The following UBE2E3 variants were observed in gnomAD, a reference collection of about 807,000 sequenced individuals.
UBE2E3 encodes ubiquitin-conjugating enzyme E2 E3.
Under a neutral mutation model 23.6 loss-of-function variants are expected in UBE2E3, and 5 were observed. The observed-to-expected ratio is 0.21, with a 90% CI of 0.11 to 0.44. UBE2E3 has a LOEUF of 0.44. UBE2E3 is among the 20% of genes least tolerant of loss of function. The pLI is 0.99. For synonymous variants in UBE2E3, 78 were observed against 87.5 expected (o/e 0.89, Z 0.60); for missense variants, 81 against 249.8 (o/e 0.32, Z 4.55).
At chr2:181,035,606 C>T (rs750579971) in intron 3 of UBE2E3, among the ~76,000 whole-genome samples, 24 of 152,116 alleles carry the variant, frequency 1.6e-4, no homozygotes, top group African/African-American at 4.3e-4. Flanking sequence ...ACCCATGACC[C>T]GTGGGTCACA....
At chr2:181,038,536 A>G (rs1686372715) in intron 3 of UBE2E3, among the ~76,000 whole-genome samples, 1 of 152,256 alleles carries the variant, frequency 6.6e-6, no homozygotes, top group African/African-American at 2.4e-5. Flanking sequence ...ATAATGTAAG[A>G]GCAAAATTTT....
intron 3 of UBE2E3, among the ~76,000 whole-genome samples, chr2:181,033,964 A>G (rs1449954785): frequency 2.6e-5 from 4 of 152,200 alleles, no homozygotes; most frequent in Non-Finnish European, 4.4e-5. Flanking sequence ...ATGCAAATCA[A>G]AACCACAATG....
At chr2:181,060,528 A>G in intron 4 of UBE2E3, 137 bp from the exon 5 acceptor site, 2 of 970,104 alleles carry the variant, frequency 2.1e-6, no homozygotes, top group Non-Finnish European at 2.8e-6. Context: ...TAATTTTGTT[A>G]TTAAACCTAA....
intron 3 of UBE2E3, among the ~76,000 whole-genome samples, chr2:181,000,063 G>A (rs978144980): frequency 2.0e-5 from 3 of 152,180 alleles, no homozygotes; most frequent in Admixed American, 1.3e-4. Flanking sequence ...TGATTGTTTT[G>A]TGTTTCCAGC....
chr2:181,002,465 G>A (rs573289528), intron 3 of UBE2E3, among the ~76,000 whole-genome samples: 3 of 152,174 alleles, frequency 2.0e-5, no homozygotes, highest in Admixed American at 6.5e-5. Context: ...GATTACGAAC[G>A]AAGAAAACCC....
chr2:181,018,686 C>G (rs1371478239), intron 3 of UBE2E3, among the ~76,000 whole-genome samples: 1 of 150,286 alleles, frequency 6.7e-6, no homozygotes, highest in African/African-American at 2.5e-5. Context: ...GTTTCTTCCT[C>G]ACACTTTCCC....
intron 3 of UBE2E3, among the ~76,000 whole-genome samples, chr2:181,010,463 G>A (rs1002845744): frequency 1.3e-5 from 2 of 152,154 alleles, no homozygotes; most frequent in Non-Finnish European, 1.5e-5. Context: ...CTGAAGAGTA[G>A]TGGTTGATAT....
At chr2:180,996,154 G>C (rs1162133343) in intron 3 of UBE2E3, among the ~76,000 whole-genome samples, 1 of 152,114 alleles carries the variant, frequency 6.6e-6, no homozygotes, top group Non-Finnish European at 1.5e-5. Context: ...GGAAACCTTA[G>C]AGGGTAAAAG....
chr2:181,024,981 TTTGAC>T (rs1194746778), intron 3 of UBE2E3, among the ~76,000 whole-genome samples: 3 of 152,018 alleles, frequency 2.0e-5, no homozygotes, highest in African/African-American at 7.2e-5. Flanking sequence ...TATGATCTGT[TTTGAC>T]AGGACAGACA....
chr2:181,057,952 T>G, intron 4 of UBE2E3, 127 bp downstream of exon 4: 1 of 985,944 alleles, frequency 1.0e-6, no homozygotes, highest in Non-Finnish European at 1.4e-6. Context: ...GATATGGAAA[T>G]TTTCGCATAA....
Position 181,063,208 on chromosome 2 carries a change from A to G in UBE2E3, c.*320A>G, listed in dbSNP as rs988660850. 2 of 163,950 alleles carry G rather than the reference A, an allele frequency of 1.2e-5. No homozygotes were observed. The allele number at this position is 163,950 out of a possible 1,614,324, so 10.2% of individuals were successfully genotyped here. Reference sequence around the variant, plus strand: ...ATAGTGCATTTTAGCCTAATTCATTATCTGTATGAAGTTATAAAAGTAGCT... The same window carrying G: ...ATAGTGCATTTTAGCCTAATTCATTGTCTGTATGAAGTTATAAAAGTAGCT... On this transcript the variant is annotated 3_prime_UTR_variant, in exon 6 of 6. Transcript: ENST00000410062. This position sits in a 1 kb window ranked among gnomAD's most constrained non-coding sequence, Gnocchi z 4.1.
intron 5 of UBE2E3, among the ~76,000 whole-genome samples, chr2:181,062,223 A>G (rs1558941087): frequency 6.6e-6 from 1 of 151,658 alleles, no homozygotes; most frequent in South Asian, 2.1e-4. Context: ...ATTGTACCAT[A>G]TGTACATATT....
At chr2:181,060,854 A>T in intron 5 of UBE2E3, 42 bp downstream of exon 5, 1 of 1,384,764 alleles carries the variant, frequency 7.2e-7, no homozygotes, top group Non-Finnish European at 9.5e-7. Context: ...GACTACAAAA[A>T]CGAGTGCTTT....
intron 3 of UBE2E3, among the ~76,000 whole-genome samples, chr2:181,024,439 A>G (rs1463134336): frequency 1.3e-5 from 2 of 152,174 alleles, no homozygotes; most frequent in Non-Finnish European, 2.9e-5. Context: ...ACTGAGTTCC[A>G]GTCATCATGG....
At chr2:181,045,670 G>A (rs903406730) in intron 3 of UBE2E3, among the ~76,000 whole-genome samples, 6 of 152,114 alleles carry the variant, frequency 3.9e-5, no homozygotes, top group African/African-American at 1.4e-4. Flanking sequence ...AACTCCACAG[G>A]TGATTACATT....
Position 180,984,042 on chromosome 2 carries a change from G to A in UBE2E3, c.195-1G>A. ...TTTGTCTCTTCTCATTTCACTAACA[G>A]AATTCAGAAGGAGCTAGCTGAAATA... is the stretch of plus-strand genomic sequence containing the variant. On this transcript the variant is annotated splice_acceptor_variant, in intron 2 of 5. Coordinates refer to ENST00000410062, the MANE Select transcript of UBE2E3 (RefSeq NM_006357.4). LOFTEE classifies it high-confidence loss of function. 1 of 1,610,508 alleles carries A rather than the reference G, an allele frequency of 6.2e-7. No homozygotes were observed. The highest frequency in any genetic ancestry group is 8.5e-7 in the Non-Finnish European group (1 of 1,177,496).
intron 3 of UBE2E3, among the ~76,000 whole-genome samples, chr2:181,017,900 A>G (rs976533125): frequency 1.3e-5 from 2 of 150,966 alleles, no homozygotes; most frequent in South Asian, 4.2e-4. Flanking sequence ...TTTTGGTTAG[A>G]GGAATCCCAG....
chr2:181,018,843 A>T (rs908077414), intron 3 of UBE2E3, among the ~76,000 whole-genome samples: 1 of 152,026 alleles, frequency 6.6e-6, no homozygotes, highest in African/African-American at 2.4e-5. Flanking sequence ...GGGGAGTGTT[A>T]TTTTCCTCAT....
intron 3 of UBE2E3, among the ~76,000 whole-genome samples, chr2:181,036,843 A>G (rs1686304434): frequency 6.6e-6 from 1 of 152,226 alleles, no homozygotes; most frequent in South Asian, 2.1e-4. Context: ...TTGTGACCAG[A>G]AATATGACAT....
Sources: gnomAD v4.1 joint callset for allele counts (sites outside exome capture counted in the v4.1 genomes callset) on GRCh38, gnomAD v4.1.1 for gene constraint, Gnocchi (gnomAD v3.1) non-coding constraint, MANE v1.5 for transcripts, NCBI Gene and HGNC (gene_info 2026-07-23, HGNC 2026-07-21) for gene names.